The following HMCN1 variants were observed in gnomAD, a reference collection of about 807,000 sequenced individuals.
The protein encoded by HMCN1 is hemicentin-1.
In HMCN1, 321 loss-of-function variants were observed where a neutral mutation model predicts 625.9. That is an observed-to-expected ratio of 0.51 (90% CI 0.47 to 0.56). The LOEUF is 0.56. HMCN1 is among the 20% of genes least tolerant of loss of function. The pLI, the probability that HMCN1 is intolerant of heterozygous loss-of-function variation, is 0.00. For missense variants in HMCN1, 6,588 were observed against 6,887.3 expected (o/e 0.96, Z 1.54); for synonymous variants, 2,425 against 2,417.6 (o/e 1.00, Z -0.09).
intron 1 of HMCN1, among the ~76,000 whole-genome samples, chr1:185,770,531 T>A (rs536370931): frequency 1.3e-5 from 2 of 152,210 alleles, no homozygotes; most frequent in Non-Finnish European, 2.9e-5. Flanking sequence ...TTTTGTTTTA[T>A]AATGCAGTAT....
Position 185,970,431 on chromosome 1 carries a change from A to G in HMCN1, c.2309A>G (p.Tyr770Cys). ...ACACAAGATCTGGATGCTGGCGATTATACCTGTGTAGCCATCAATGAGGCT... is the reference window on the plus strand; with the variant it reads ...ACACAAGATCTGGATGCTGGCGATTGTACCTGTGTAGCCATCAATGAGGCT... ...QETQDLDAGD[Y>C]TCVAINEAGR... is the part of the protein sequence containing the mutation. Residue 770 changes from tyrosine (Y) to cysteine (C), a missense_variant, in exon 15 of 107, where the codon TAT becomes TGT. Tyr to Cys is a radical substitution (Grantham distance 194). Coordinates refer to ENST00000271588, the MANE Select transcript of HMCN1 (RefSeq NM_031935.3). The G allele has an allele frequency of 6.2e-7, 1 of 1,613,814 alleles. No individual in the cohort carries two copies. Among genetic ancestry groups the G allele is most frequent in the Non-Finnish European group, 8.5e-7 (1 of 1,179,684 alleles).
chr1:186,021,771 G>A (rs982063684), intron 35 of HMCN1, among the ~76,000 whole-genome samples: 4 of 152,004 alleles, frequency 2.6e-5, no homozygotes, highest in Admixed American at 2.0e-4. Flanking sequence ...AGCCATGAAT[G>A]AAATTTGATG....
chr1:186,086,556 T>G lies in HMCN1; in HGVS notation c.9046+149T>G. The G allele has an allele frequency of 1.0e-5, 8 of 784,666 alleles. No individual in the cohort carries two copies. In the South Asian group the frequency reaches 1.3e-4, roughly 13 times the overall value. The allele number at this position is 784,666 out of a possible 1,614,324, so 48.6% of individuals were successfully genotyped here. Reference sequence around the variant, plus strand: ...CCTCTCTTTGCCCATTTGTGGTCATTAAGGTAAGATTTTGTAGACTTCTCT... The same window carrying G: ...CCTCTCTTTGCCCATTTGTGGTCATGAAGGTAAGATTTTGTAGACTTCTCT... On this transcript the variant is annotated intron_variant, in intron 58 of 106. Coordinates refer to ENST00000271588, the MANE Select transcript of HMCN1 (RefSeq NM_031935.3).
intron 64 of HMCN1, among the ~76,000 whole-genome samples, chr1:186,091,754 C>A (rs1031625983): frequency 3.3e-5 from 5 of 151,980 alleles, no homozygotes; most frequent in Non-Finnish European, 7.4e-5. Flanking sequence ...TGGGCATTAA[C>A]TACATGTATT....
chr1:185,813,759 T>A (rs182724542), intron 1 of HMCN1, among the ~76,000 whole-genome samples: 20 of 152,314 alleles, frequency 1.3e-4, no homozygotes, highest in African/African-American at 4.8e-4. Flanking sequence ...CTGACTTGTT[T>A]TCACTTATTT....
intron 86 of HMCN1, among the ~76,000 whole-genome samples, chr1:186,136,124 C>T (rs987631609): frequency 7.3e-5 from 11 of 151,724 alleles, no homozygotes; most frequent in Non-Finnish European, 1.2e-4. Flanking sequence ...TGCAGTGAGC[C>T]GAGATTGTGC....
intron 97 of HMCN1, among the ~76,000 whole-genome samples, chr1:186,161,488 G>A (rs1240728266): frequency 2.2e-4 from 33 of 151,800 alleles, no homozygotes; most frequent in Admixed American, 7.2e-4. Flanking sequence ...TATTTTGCTC[G>A]TTAGTTGATG....
At chr1:186,094,426 C>T in intron 67 of HMCN1, 53 bp downstream of exon 67, 1 of 1,330,550 alleles carries the variant, frequency 7.5e-7, no homozygotes, top group Non-Finnish European at 1.1e-6. Flanking sequence ...TATTAAGCAA[C>T]AGACTTATCT....
rs959781952 is a variant in HMCN1, at chr1:185,739,678, C to T, written c.268+4631C>T. Among the ~76,000 whole-genome samples the T allele has an allele frequency of 4.6e-5, 7 of 152,166 alleles. 1 individual carries two copies. Among genetic ancestry groups the T allele is most frequent in the Admixed American group, 6.5e-5 (1 of 15,284 alleles). ...TCAGACCTTGCTTCACATAAAAGGG[C>T]GTAAAACAGATAAAAGCGCCTGCAT... On this transcript the variant is annotated intron_variant, in intron 1 of 106. Coordinates refer to ENST00000271588, the MANE Select transcript of HMCN1 (RefSeq NM_031935.3).
chr1:185,838,504 G>A (rs1333808974), intron 1 of HMCN1, among the ~76,000 whole-genome samples: 1 of 152,170 alleles, frequency 6.6e-6, no homozygotes, highest in African/African-American at 2.4e-5. Flanking sequence ...GAACCTGTAG[G>A]AGCAGAGATG....
chr1:185,872,151 T>G (rs1663658478), intron 4 of HMCN1, among the ~76,000 whole-genome samples: 1 of 152,190 alleles, frequency 6.6e-6, no homozygotes. Context: ...GGAATGGAGA[T>G]GTTCAGAGCC....
chr1:186,151,709 CTTCAAAAGAGAAACTCAA>C lies in HMCN1; in HGVS notation c.14863_14880del (p.Phe4955_Gln4960del), dbSNP rs1454142842. The C allele has an allele frequency of 6.2e-7, 1 of 1,613,442 alleles. No individual in the cohort carries two copies. Among genetic ancestry groups the C allele is most frequent in the South Asian group, 1.1e-5 (1 of 91,036 alleles). ...ATGGCTTTACCCTCACCAATGCAGTCTTCAAAAGAGAAACTCAAGTGGAATTTGCAACTGGTTAGTGTC... is the reference window on the plus strand; with the variant it reads ...ATGGCTTTACCCTCACCAATGCAGTCGTGGAATTTGCAACTGGTTAGTGTC... On this transcript the variant is annotated inframe_deletion, in exon 95 of 107. Transcript: ENST00000271588.
chr1:185,909,617 A>G, intron 5 of HMCN1, 109 bp downstream of exon 5: 2 of 965,984 alleles, frequency 2.1e-6, no homozygotes, highest in Non-Finnish European at 1.6e-6. Context: ...AATAAATTCA[A>G]TAAATTCAGA....
intron 38 of HMCN1, 47 bp downstream of exon 38, chr1:186,039,052 A>G (rs899831362): frequency 1.6e-6 from 2 of 1,270,170 alleles, no homozygotes; most frequent in Non-Finnish European, 2.3e-6. Context: ...AGAAGCATTC[A>G]AAATGATTAA....
chr1:186,119,345 GT>G (rs747428266), intron 78 of HMCN1, 47 bp downstream of exon 78: 14 of 1,353,014 alleles, frequency 1.0e-5, no homozygotes, highest in East Asian at 2.3e-5. Context: ...GTTTGGGGAG[GT>G]TTTTTAGTCA....
chr1:185,847,520 A>G (rs566358368), intron 2 of HMCN1, among the ~76,000 whole-genome samples: 9 of 152,336 alleles, frequency 5.9e-5, no homozygotes, highest in African/African-American at 1.9e-4. Context: ...CAAACAAATG[A>G]AGCCCTCTGC....
chr1:186,078,456 A>G (rs1571318336), intron 55 of HMCN1, among the ~76,000 whole-genome samples: 1 of 152,210 alleles, frequency 6.6e-6, no homozygotes, highest in East Asian at 1.9e-4. Context: ...GAATTCATTG[A>G]CTTATGAATC....
intron 4 of HMCN1, among the ~76,000 whole-genome samples, chr1:185,898,694 G>A (rs901456659): frequency 1.3e-5 from 2 of 152,038 alleles, no homozygotes; most frequent in South Asian, 2.1e-4. Context: ...GAAGGTCCAC[G>A]GAGCCTGCTC....
At chr1:185,841,052 GA>G (rs925563463) in intron 1 of HMCN1, among the ~76,000 whole-genome samples, 2 of 152,126 alleles carry the variant, frequency 1.3e-5, no homozygotes, top group Non-Finnish European at 2.9e-5. Flanking sequence ...CTTGCCAAAT[GA>G]AGCAGTGAAA....
Sources: allele counts gnomAD v4.1 joint callset (sites outside exome capture counted in the v4.1 genomes callset), GRCh38; gene constraint gnomAD v4.1.1; transcripts MANE v1.5; gene names NCBI Gene and HGNC (gene_info 2026-07-23, HGNC 2026-07-21).